Variants in KRT19 observed in about 807,000 individuals in gnomAD.
The protein encoded by KRT19 is keratin 19.
KRT19 carries 21 observed loss-of-function variants against 34.6 expected under a neutral mutation model. That is an observed-to-expected ratio of 0.61 (90% CI 0.43 to 0.87). The LOEUF (loss-of-function observed/expected upper bound fraction) is 0.87, where lower values mean the gene tolerates loss of function less well. KRT19 is among the 40% of genes least tolerant of loss of function. KRT19 has a pLI of 0.00. For missense variants in KRT19, 514 were observed against 545.7 expected, an observed-to-expected ratio of 0.94 and a Z score of 0.58; for synonymous variants, 240 against 245.8, an observed-to-expected ratio of 0.98 and a Z score of 0.22.
chr17:41,526,562 C>T (rs1455683020), intron 1 of KRT19, among the ~76,000 whole-genome samples: 16 of 72,190 alleles, frequency 2.2e-4, no homozygotes, highest in South Asian at 1.4e-3. Flanking sequence ...AAGCTAATTC[C>T]TTTTTTTTTT....
rs1025407395 is a variant in KRT19 at position 41,526,279 on chromosome 17, T to A, written c.421-1006A>T. On this transcript the variant is annotated intron_variant, in intron 1 of 5. Transcript: ENST00000361566. ...ATGAGCCACCGCGCCCGGCCGATTG[T>A]GTAGTTTTTTAATGCAACAGAATAG... 9.4e-4 allele frequency among the ~76,000 whole-genome samples: 143 copies of A among 152,124 alleles called. 2 individuals are homozygous for A. The highest frequency in any genetic ancestry group is 3.3e-3 in the African/African-American group (138 of 41,508).
At chr17:41,527,771 G>C (rs1905918300) in intron 1 of KRT19, 57 bp downstream of exon 1, 1 of 1,506,472 alleles carries the variant, frequency 6.6e-7, no homozygotes, top group East Asian at 2.3e-5. Context: ...CCCGGCCCGC[G>C]GGGCTGGGTT....
intron 1 of KRT19, 43 bp from the exon 2 acceptor site, chr17:41,525,316 G>T: frequency 1.5e-6 from 2 of 1,346,142 alleles, no homozygotes; most frequent in Non-Finnish European, 1.1e-6. Flanking sequence ...CAACACACAG[G>T]CACTGCCCAC....
chr17:41,527,753 G>T, intron 1 of KRT19, 75 bp downstream of exon 1: 1 of 1,477,776 alleles, frequency 6.8e-7, no homozygotes, highest in Non-Finnish European at 9.0e-7. Flanking sequence ...GCCCCGCCTG[G>T]AACCTCGCCC....
Position 41,528,190 on chromosome 17 carries a change from C to A in KRT19, c.58G>T (p.Gly20Cys), listed in dbSNP as rs1482218198. The change falls in exon 1 of 6, where the codon GGC (glycine) becomes TGC (cysteine). Residue 20 changes from glycine to cysteine, a missense_variant. Coordinates refer to ENST00000361566, the MANE Select transcript of KRT19 (RefSeq NM_002276.5). The stretch of plus-strand genomic sequence containing the variant: ...CCCGGCCCAAAACGCACGGAGCCGC[C>A]GCCCAGGCCTCCGAAGGACGACGTG... ...SATSSFGGLG[G>C]GSVRFGPGVA... 3 of 1,588,914 alleles carry A rather than the reference C, an allele frequency of 1.9e-6. No homozygotes were observed. Among genetic ancestry groups the A allele is most frequent in the Non-Finnish European group, 2.6e-6 (3 of 1,174,578 alleles).
chr17:41,525,390 G>T, intron 1 of KRT19, 117 bp from the exon 2 acceptor site: 1 of 794,360 alleles, frequency 1.3e-6, no homozygotes. Flanking sequence ...AGAGACCAAA[G>T]CCCTAGCCAG....
At position 41,524,470 on chromosome 17, in the gene KRT19, T is replaced by C; in HGVS notation, c.731A>G (p.Asp244Gly). 6.2e-7 allele frequency: 1 copy of C among 1,614,116 alleles called. No homozygotes were observed. The highest frequency in any genetic ancestry group is 8.5e-7 in the Non-Finnish European group (1 of 1,180,024). ...SVEVDSAPGT[D>G]LAKILSDMRS... ...CATGTCACTCAGGATCTTGGCGAGATCGGTGCCCGGAGCGGAATCCACCTC... is the reference window on the plus strand; with the variant it reads ...CATGTCACTCAGGATCTTGGCGAGACCGGTGCCCGGAGCGGAATCCACCTC... The change falls in exon 4 of 6, where the codon GAT becomes GGT. Residue 244 changes from aspartate to glycine, a missense_variant. Physicochemically the swap from Asp to Gly is moderately conservative, Grantham distance 94 (BLOSUM62 -1). Transcript: ENST00000361566.
Position 41,524,177 on chromosome 17 carries a change from C to G in KRT19, c.914G>C (p.Gly305Ala). ...EVTDLRRTLQ[G>A]LEIELQSQLS... ...CTGTGACTGCAGCTCAATCTCAAGA[C>G]CCTGAAGGGTGCGCCGCAGGTCAGT... Residue 305 changes from glycine (G) to alanine (A), a missense_variant, in exon 5 of 6, where the codon GGT becomes GCT. Gly to Ala is a moderately conservative substitution (Grantham distance 60). Coordinates refer to ENST00000361566, the MANE Select transcript of KRT19 (RefSeq NM_002276.5). 1 of 1,614,098 alleles carries G rather than the reference C, an allele frequency of 6.2e-7. No homozygotes were observed. Among genetic ancestry groups the G allele is most frequent in the Non-Finnish European group, 8.5e-7 (1 of 1,180,006 alleles).
rs144149113 is a variant in KRT19 at position 41,523,939 on chromosome 17, G to A, written c.1007C>T (p.Ala336Val). The A allele has an allele frequency of 5.4e-5, 87 of 1,613,700 alleles. No homozygotes were observed. The African/African-American group carries it at 8.3e-4, about 15-fold the overall frequency. Residue 336 changes from alanine to valine, a missense_variant, in exon 6 of 6, where the codon GCG becomes GTG. Ala to Val is a moderately conservative substitution (Grantham distance 64). Coordinates refer to ENST00000361566, the MANE Select transcript of KRT19 (RefSeq NM_002276.5). ...ACCGCTGATCAGCGCCTGGATATGCGCCAGCTGGGCTCCAAAGCGCGCCTC... is the reference window on the plus strand; with the variant it reads ...ACCGCTGATCAGCGCCTGGATATGCACCAGCTGGGCTCCAAAGCGCGCCTC... ...ETEARFGAQL[A>V]HIQALISGIE...
At chr17:41,525,856 T>C (rs1381910613) in intron 1 of KRT19, among the ~76,000 whole-genome samples, 2 of 152,230 alleles carry the variant, frequency 1.3e-5, no homozygotes, top group Non-Finnish European at 2.9e-5. Flanking sequence ...AACAGCCAGC[T>C]TATCATTGAA....
In KRT19 at chr17:41,524,008, GGA is replaced by G. The variant is rs747999824; in HGVS notation, c.949-13_949-12del. The stretch of plus-strand genomic sequence containing the variant: ...TTCCAAGGCAGCTTTCTGAGGATAG[GGA>G]GAGGGGGTTGTGACTCAGCAGAGCC... On this transcript the variant is annotated splice_polypyrimidine_tract_variant and intron_variant, in intron 5 of 5. Coordinates refer to ENST00000361566, the MANE Select transcript of KRT19 (RefSeq NM_002276.5). The G allele has an allele frequency of 1.2e-6, 2 of 1,608,138 alleles. No individual in the cohort carries two copies. Among genetic ancestry groups the G allele is most frequent in the South Asian group, 2.2e-5 (2 of 90,972 alleles).
chr17:41,523,724 A>G lies in KRT19; in HGVS notation c.*19T>C. The G allele has an allele frequency of 6.2e-7, 1 of 1,611,850 alleles. No homozygotes were observed. The highest frequency in any genetic ancestry group is 8.5e-7 in the Non-Finnish European group (1 of 1,178,318). On this transcript the variant is annotated 3_prime_UTR_variant, in exon 6 of 6. Transcript: ENST00000361566. Reference sequence around the variant, plus strand: ...AAGACACCCTCCAAAGGACAGCAGAAGCCCCAGAGCCTGCTGCCTCAGAGG... The same window carrying G: ...AAGACACCCTCCAAAGGACAGCAGAGGCCCCAGAGCCTGCTGCCTCAGAGG...
At position 41,524,828 on chromosome 17, in the gene KRT19, C is replaced by T. The variant is rs754180634; in HGVS notation, c.660+15G>A. ...GTTAGGGAAGGATGGAAGAAAGGCCCAGCTTCAAACCCACCTCCTCATGGT... is the reference window on the plus strand; with the variant it reads ...GTTAGGGAAGGATGGAAGAAAGGCCTAGCTTCAAACCCACCTCCTCATGGT... On this transcript the variant is annotated intron_variant, in intron 3 of 5. Transcript: ENST00000361566. The T allele has an allele frequency of 6.2e-7, 1 of 1,612,982 alleles. No individual in the cohort carries two copies. Among genetic ancestry groups the T allele is most frequent in the South Asian group, 1.1e-5 (1 of 91,042 alleles).
At chr17:41,525,952 T>G (rs1905846007) in intron 1 of KRT19, among the ~76,000 whole-genome samples, 1 of 152,014 alleles carries the variant, frequency 6.6e-6, no homozygotes, top group Admixed American at 6.6e-5. Context: ...TTTTGTGTTT[T>G]GGGGGGGTTT....
chr17:41,528,299 C>A lies in KRT19; in HGVS notation c.-52G>T. On this transcript the variant is annotated 5_prime_UTR_variant, in exon 1 of 6. Coordinates refer to ENST00000361566, the MANE Select transcript of KRT19 (RefSeq NM_002276.5). ...CCCTGGTCTCAGAAGCTGCGATTCG[C>A]GGGAGGAGCGGCGAGGCCCTCACCT... 6.8e-7 allele frequency: 1 copy of A among 1,477,752 alleles called. No individual in the cohort carries two copies. Among genetic ancestry groups the A allele is most frequent in the Non-Finnish European group, 8.9e-7 (1 of 1,123,620 alleles). The allele number at this position is 1,477,752 out of a possible 1,614,324, so 91.5% of individuals were successfully genotyped here.
At chr17:41,525,552 A>G (rs778489867) in intron 1 of KRT19, 101 of 452,010 alleles carry the variant, frequency 2.2e-4, no homozygotes, top group South Asian at 9.1e-4. Context: ...CCTGTGTGCA[A>G]TGAAACTCTA....
intron 1 of KRT19, among the ~76,000 whole-genome samples, chr17:41,527,483 G>C (rs1221565918): frequency 6.6e-6 from 1 of 152,188 alleles, no homozygotes; most frequent in Non-Finnish European, 1.5e-5. Context: ...TAGACCTCTG[G>C]GCACTCTACA....
chr17:41,525,353 G>A (rs897183528), intron 1 of KRT19, 80 bp from the exon 2 acceptor site: 13 of 1,074,326 alleles, frequency 1.2e-5, no homozygotes, highest in African/African-American at 4.7e-5. Flanking sequence ...AGAGAGAGGG[G>A]AGCAAATGAA....
Position 41,528,106 on chromosome 17 carries a change from A to G in KRT19, c.142T>C (p.Ser48Pro), listed in dbSNP as rs1421019623. The change falls in exon 1 of 6, where the codon TCC becomes CCC. Residue 48 changes from serine (S) to proline (P), a missense_variant. Transcript: ENST00000361566. ...GGSGGRGVSV[S>P]SARFVSSSSS... is the part of the protein sequence containing the mutation. ...GACGAGGACACAAAGCGGGCGGAGGACACGGATACGCCGCGGCCGCCGGAG... is the reference window on the plus strand; with the variant it reads ...GACGAGGACACAAAGCGGGCGGAGGGCACGGATACGCCGCGGCCGCCGGAG... 2 of 1,608,796 alleles carry G rather than the reference A, an allele frequency of 1.2e-6. No individual in the cohort carries two copies. The highest frequency in any genetic ancestry group is 1.7e-6 in the Non-Finnish European group (2 of 1,178,242).
Sources: allele counts gnomAD v4.1 joint callset (sites outside exome capture counted in the v4.1 genomes callset), GRCh38; gene constraint gnomAD v4.1.1; transcripts MANE v1.5; gene names NCBI Gene and HGNC (gene_info 2026-07-23, HGNC 2026-07-21).